Variants in PDXK observed in about 807,000 individuals in gnomAD.
The protein encoded by PDXK is pyridoxal kinase, also known as epididymis secretory sperm binding protein Li 1a.
In PDXK, 15 loss-of-function variants were observed where a neutral mutation model predicts 43.2. The ratio of observed to expected loss-of-function variants is 0.35; its 90% CI spans 0.23 to 0.53. PDXK has a LOEUF of 0.53. PDXK is among the 20% of genes least tolerant of loss of function. The pLI, the probability that PDXK is intolerant of heterozygous loss-of-function variation, is 0.92. For synonymous variants in PDXK, 172 were observed against 165.4 expected, an observed-to-expected ratio of 1.04 and a Z score of -0.31; for missense variants, 343 against 417.0, an observed-to-expected ratio of 0.82 and a Z score of 1.54.
At chr21:43,729,265 G>A (rs898183635) in intron 1 of PDXK, among the ~76,000 whole-genome samples, 1 of 152,294 alleles carries the variant, frequency 6.6e-6, no homozygotes, top group African/African-American at 2.4e-5. Flanking sequence ...GAGGCCGGGG[G>A]CTTTGGCCAG....
intron 1 of PDXK, chr21:43,728,646 GGC>G (rs3831650): frequency 0.16 from 144,358 of 888,456 alleles, 12,899 homozygotes; most frequent in South Asian, 0.34. Context: ...CTGCCGATAA[GGC>G]GCGCACGTGG....
At position 43,757,359 on chromosome 21, in the gene PDXK, G is replaced by C. The variant is rs185517119; in HGVS notation, c.*1296G>C. The C allele has an allele frequency of 6.6e-6, 1 of 152,320 alleles. No homozygotes were observed. Among genetic ancestry groups the C allele is most frequent in the Non-Finnish European group, 1.5e-5 (1 of 68,090 alleles). 9.4% of individuals were successfully genotyped at this position (152,320 alleles called of 1,614,324 possible). On this transcript the variant is annotated 3_prime_UTR_variant, in exon 11 of 11. Coordinates refer to ENST00000291565, the MANE Select transcript of PDXK (RefSeq NM_003681.5). ...CCAGCTCTGGGGTGTGCAGAGGTTT[G>C]TGTCTCCAGGGAACCCACGGCTGGA...
At chr21:43,722,173 G>A (rs1242661111) in intron 1 of PDXK, among the ~76,000 whole-genome samples, 1 of 152,232 alleles carries the variant, frequency 6.6e-6, no homozygotes, top group Non-Finnish European at 1.5e-5. Context: ...ACAGGAAGGA[G>A]TGGAGGGAAC....
intron 2 of PDXK, among the ~76,000 whole-genome samples, chr21:43,740,538 G>A (rs1568981422): frequency 1.3e-5 from 2 of 152,024 alleles, no homozygotes. Flanking sequence ...TATCCATGGT[G>A]GACCCCCACC....
In PDXK at chr21:43,755,960, G is replaced by C; in HGVS notation, c.836G>C (p.Gly279Ala). 1 of 1,610,160 alleles carries C rather than the reference G, an allele frequency of 6.2e-7. No homozygotes were observed. Among genetic ancestry groups the C allele is most frequent in the Non-Finnish European group, 8.5e-7 (1 of 1,177,622 alleles). ...TCTGCCTGCCCCGCAGCCCAGGCCG[G>C]GGAAGGAGTGAGGCCCAGCCCCATG... is the stretch of plus-strand genomic sequence containing the variant. Reference protein sequence around the residue: ...RTIQCAKAQAGEGVRPSPMQL... With the variant: ...RTIQCAKAQAAEGVRPSPMQL... The change falls in exon 11 of 11, where the codon GGG becomes GCG. Residue 279 changes from glycine to alanine, a missense_variant. Physicochemically the swap from Gly to Ala is moderately conservative, Grantham distance 60. Coordinates refer to ENST00000291565, the MANE Select transcript of PDXK (RefSeq NM_003681.5).
At chr21:43,740,348 C>G (rs544768501) in intron 2 of PDXK, among the ~76,000 whole-genome samples, 1 of 152,098 alleles carries the variant, frequency 6.6e-6, no homozygotes, top group Non-Finnish European at 1.5e-5. Context: ...CAGGGCATGG[C>G]GCGTGGGCGC....
chr21:43,720,277 C>G (rs918543660), intron 1 of PDXK, among the ~76,000 whole-genome samples: 2 of 152,158 alleles, frequency 1.3e-5, no homozygotes, highest in Admixed American at 1.3e-4. Context: ...GTGCTGCCCA[C>G]CTGCGGCCTG....
intron 4 of PDXK, 64 bp from the exon 5 acceptor site, chr21:43,746,015 T>C: frequency 8.1e-7 from 1 of 1,238,280 alleles, no homozygotes; most frequent in Admixed American, 1.7e-5. Context: ...AAGAAAGAAA[T>C]GTGGAGGGTT....
intron 8 of PDXK, 103 bp from the exon 9 acceptor site, chr21:43,753,478 CCT>C: frequency 1.6e-6 from 2 of 1,222,030 alleles, no homozygotes; most frequent in Non-Finnish European, 2.3e-6. Context: ...GTGCTCTGCC[CCT>C]GTGACCCTCC....
At position 43,732,294 on chromosome 21, in the gene PDXK, C is replaced by CA; in HGVS notation, c.88-1774dup. ...CAGGAGATACCTTTCTCTGGGGTCC[C>CA]AGGCTCCCGTCCTGGACCTTGGCAC... On this transcript the variant is annotated intron_variant, in intron 1 of 10. Coordinates refer to ENST00000291565, the MANE Select transcript of PDXK (RefSeq NM_003681.5). This position sits in a 1 kb window ranked among gnomAD's most constrained non-coding sequence, Gnocchi z 4.1. The CA allele has an allele frequency of 6.3e-7, 1 of 1,574,806 alleles. No homozygotes were observed. The highest frequency in any genetic ancestry group is 8.6e-7 in the Non-Finnish European group (1 of 1,160,776).
At chr21:43,745,609 T>C (rs1381897082) in intron 4 of PDXK, 1 of 168,794 alleles carries the variant, frequency 5.9e-6, no homozygotes, top group Non-Finnish European at 1.3e-5. Flanking sequence ...TAAACATGCT[T>C]ACACTGGCAA....
At position 43,732,575 on chromosome 21, in the gene PDXK, G is replaced by A; in HGVS notation, c.88-1494G>A. 1.2e-6 allele frequency: 1 copy of A among 865,244 alleles called. No individual in the cohort carries two copies. The highest frequency in any genetic ancestry group is 2.0e-6 in the Non-Finnish European group (1 of 496,244). The allele number at this position is 865,244 out of a possible 1,614,324, so 53.6% of individuals were successfully genotyped here. A position where few individuals can be genotyped will look rare whatever the true frequency, so the allele number is the denominator to read the frequency against. On this transcript the variant is annotated intron_variant, in intron 1 of 10. Transcript: ENST00000291565. The surrounding 1 kb of genome is among the most constrained non-coding windows in gnomAD (Gnocchi z 4.1). ...TTAATTATCTACACACCCAGAAGCA[G>A]TGGAGCAGAATATTTTGGCAGGATT...
intron 1 of PDXK, among the ~76,000 whole-genome samples, chr21:43,724,110 G>A (rs2083230437): frequency 6.6e-6 from 1 of 152,214 alleles, no homozygotes; most frequent in Admixed American, 6.5e-5. Context: ...GGGCCTGCAG[G>A]CAGCCGCATT....
chr21:43,749,410 A>G (rs1246553436), intron 6 of PDXK, among the ~76,000 whole-genome samples: 1 of 152,214 alleles, frequency 6.6e-6, no homozygotes, highest in Non-Finnish European at 1.5e-5. Flanking sequence ...CAGCAGAGTA[A>G]GTTATTTTAA....
intron 2 of PDXK, chr21:43,738,037 C>G (rs2083433852): frequency 3.0e-6 from 3 of 985,386 alleles, no homozygotes; most frequent in Admixed American, 1.2e-4. Context: ...CGGCCAAGTG[C>G]TGGACGTCTC....
chr21:43,746,793 C>A (rs187931153), intron 5 of PDXK, among the ~76,000 whole-genome samples: 5 of 152,160 alleles, frequency 3.3e-5, no homozygotes, highest in African/African-American at 1.2e-4. Context: ...TCATGTGTCA[C>A]AAAGTGTCAT....
At chr21:43,726,160 T>C (rs2083251000) in intron 1 of PDXK, among the ~76,000 whole-genome samples, 2 of 152,170 alleles carry the variant, frequency 1.3e-5, no homozygotes, top group Admixed American at 1.3e-4. Flanking sequence ...TTGGCTAGTT[T>C]TTTGCTTTTC....
chr21:43,720,376 C>T lies in PDXK; in HGVS notation c.87+995C>T, dbSNP rs372246776. On this transcript the variant is annotated intron_variant, in intron 1 of 10. Coordinates refer to ENST00000291565, the MANE Select transcript of PDXK (RefSeq NM_003681.5). Reference sequence around the variant, plus strand: ...GGCCACCTGGGCACGGCGGGGCCTGCGGTGCGGGCTGGCCTGGGAGGAGGA... The same window carrying T: ...GGCCACCTGGGCACGGCGGGGCCTGTGGTGCGGGCTGGCCTGGGAGGAGGA... 1.8e-4 allele frequency among the ~76,000 whole-genome samples: 27 copies of T among 152,236 alleles called. No homozygotes were observed. The East Asian group carries it at 3.1e-3, about 17-fold the overall frequency.
chr21:43,748,756 C>G (rs989650417), intron 5 of PDXK, among the ~76,000 whole-genome samples: 1 of 152,138 alleles, frequency 6.6e-6, no homozygotes, highest in African/African-American at 2.4e-5. Context: ...ACCCACTGTG[C>G]GCCCTGAGTC....
Sources: allele counts gnomAD v4.1 joint callset (sites outside exome capture counted in the v4.1 genomes callset), GRCh38; gene constraint gnomAD v4.1.1; non-coding constraint Gnocchi (gnomAD v3.1); transcripts MANE v1.5; gene names NCBI Gene and HGNC (gene_info 2026-07-23, HGNC 2026-07-21).